Variants in AKT3 observed in about 807,000 individuals in gnomAD.
The protein encoded by AKT3 is AKT serine/threonine kinase 3.
A neutral mutation model predicts 65.3 loss-of-function variants in AKT3; 15 were observed. That is an observed-to-expected ratio of 0.23 (90% CI 0.15 to 0.35). The LOEUF is 0.35. AKT3 is among the 10% of genes least tolerant of loss of function. The pLI, the probability that AKT3 is intolerant of heterozygous loss-of-function variation, is 1.00. For synonymous variants in AKT3, 206 were observed against 183.8 expected (o/e 1.12, Z -0.98); for missense variants, 243 against 576.5 (o/e 0.42, Z 5.92).
intron 4 of AKT3, among the ~76,000 whole-genome samples, chr1:243,650,745 C>A (rs145972342): frequency 0.022 from 3,359 of 152,236 alleles, 50 homozygotes; most frequent in Non-Finnish European, 0.03. Flanking sequence ...GGCCTCTGTT[C>A]TGTTCCATTG....
intron 13 of AKT3, among the ~76,000 whole-genome samples, chr1:243,493,447 T>G (rs536796342): frequency 7.2e-5 from 11 of 152,264 alleles, no homozygotes; most frequent in African/African-American, 2.4e-4. Context: ...TAGAGGATGG[T>G]CTCAACCATC....
chr1:243,798,393 A>T (rs1308003523), intron 2 of AKT3, among the ~76,000 whole-genome samples: 51 of 83,316 alleles, frequency 6.1e-4, no homozygotes, highest in Middle Eastern at 0.016. Context: ...CTAATTTTTA[A>T]TTTTTTTTTT....
chr1:243,632,287 C>T (rs1030391765), intron 6 of AKT3, among the ~76,000 whole-genome samples: 4 of 152,160 alleles, frequency 2.6e-5, no homozygotes, highest in Non-Finnish European at 4.4e-5. Context: ...GCAGAACTGA[C>T]GCTGGGTTAG....
rs149460402 is a variant in AKT3, at chr1:243,629,231, G to A, written c.561+8380C>T. On this transcript the variant is annotated intron_variant, in intron 6 of 13. Coordinates refer to ENST00000673466, the MANE Select transcript of AKT3 (RefSeq NM_005465.7). Reference sequence around the variant, plus strand: ...GCAGAGGTTGCAGTGAGCTGAGTTTGCACCATTGCATTCCAGCCTGGGCAA... The same window carrying A: ...GCAGAGGTTGCAGTGAGCTGAGTTTACACCATTGCATTCCAGCCTGGGCAA... 5.3e-5 allele frequency among the ~76,000 whole-genome samples: 8 copies of A among 152,224 alleles called. No individual in the cohort carries two copies. In the East Asian group the frequency reaches 1.2e-3, roughly 22 times the overall value.
intron 2 of AKT3, among the ~76,000 whole-genome samples, chr1:243,804,113 T>C (rs551329123): frequency 1.2e-4 from 19 of 152,276 alleles, no homozygotes; most frequent in African/African-American, 4.6e-4. Flanking sequence ...TGGACTCCCA[T>C]TTACTTAATC....
At chr1:243,641,181 T>C (rs1421410410) in intron 5 of AKT3, among the ~76,000 whole-genome samples, 5 of 151,192 alleles carry the variant, frequency 3.3e-5, no homozygotes, top group Non-Finnish European at 5.9e-5. Context: ...TGCTCCTCAG[T>C]TTGCAGATGG....
At chr1:243,710,842 C>T (rs1686099754) in intron 2 of AKT3, among the ~76,000 whole-genome samples, 1 of 152,152 alleles carries the variant, frequency 6.6e-6, no homozygotes, top group Non-Finnish European at 1.5e-5. Flanking sequence ...TTGTGACAAT[C>T]AAATAATGCT....
At position 243,502,413 on chromosome 1, in the gene AKT3, A is replaced by T. The variant is rs1053601523; in HGVS notation, c.*2836T>A. ...AAAGCTGAGCGCGACCCTGCCAACC[A>T]TCTAAGCAGAAATGGCCAATTTCCT... On this transcript the variant is annotated 3_prime_UTR_variant, in exon 14 of 14. Coordinates refer to ENST00000673466, the MANE Select transcript of AKT3 (RefSeq NM_005465.7). 4.3e-6 allele frequency: 1 copy of T among 233,056 alleles called. No individual in the cohort carries two copies. The highest frequency in any genetic ancestry group is 8.5e-6 in the Non-Finnish European group (1 of 117,960). The allele number at this position is 233,056 out of a possible 1,614,324, so 14.4% of individuals were successfully genotyped here.
At chr1:243,496,042 C>A (rs1444267350), downstream of AKT3, among the ~76,000 whole-genome samples, 1 of 152,200 alleles carries the variant, frequency 6.6e-6, no homozygotes, top group African/African-American at 2.4e-5. Flanking sequence ...AAAGGAAGTG[C>A]CTCATATTAC....
chr1:243,544,523 T>A (rs532672289), intron 12 of AKT3, among the ~76,000 whole-genome samples: 2 of 151,946 alleles, frequency 1.3e-5, no homozygotes, highest in Admixed American at 1.3e-4. Context: ...TAGGCTGAGG[T>A]GAGAGGATAC....
At chr1:243,807,791 G>A (rs957774826) in intron 2 of AKT3, among the ~76,000 whole-genome samples, 1 of 152,186 alleles carries the variant, frequency 6.6e-6, no homozygotes, top group Non-Finnish European at 1.5e-5. Flanking sequence ...CCCAGTAGGG[G>A]CAGACTGACA....
At chr1:243,716,930 G>C (rs1355385032) in intron 2 of AKT3, among the ~76,000 whole-genome samples, 2 of 152,174 alleles carry the variant, frequency 1.3e-5, no homozygotes. Context: ...AAAGAATACA[G>C]GTAGCCCTTT....
chr1:243,551,405 C>T (rs545728647), intron 11 of AKT3, among the ~76,000 whole-genome samples: 38 of 152,236 alleles, frequency 2.5e-4, no homozygotes, highest in African/African-American at 7.0e-4. Flanking sequence ...TGAGTCTTCA[C>T]AAAGCAGAAA....
chr1:243,663,783 G>C (rs11578053), intron 4 of AKT3, among the ~76,000 whole-genome samples: 1 of 152,104 alleles, frequency 6.6e-6, no homozygotes, highest in East Asian at 1.9e-4. Flanking sequence ...TGCTGATTAG[G>C]ATCAAATATA....
chr1:243,648,354 C>T (rs1047314778), intron 4 of AKT3, among the ~76,000 whole-genome samples: 2 of 151,908 alleles, frequency 1.3e-5, no homozygotes, highest in East Asian at 3.9e-4. Flanking sequence ...TTAACTTTAT[C>T]ATATTAATAT....
At chr1:243,636,724 T>TC (rs1268158786) in intron 6 of AKT3, among the ~76,000 whole-genome samples, 1 of 152,052 alleles carries the variant, frequency 6.6e-6, no homozygotes, top group African/African-American at 2.4e-5. Flanking sequence ...GACCAGTACT[T>TC]CCCCAAAGTA....
At chr1:243,760,828 G>A (rs1390143345) in intron 2 of AKT3, among the ~76,000 whole-genome samples, 1 of 152,128 alleles carries the variant, frequency 6.6e-6, no homozygotes, top group Non-Finnish European at 1.5e-5. Flanking sequence ...GCCTTATGGA[G>A]AATAAATGTT....
chr1:243,556,019 T>C (rs1673384566), intron 10 of AKT3, among the ~76,000 whole-genome samples: 2 of 151,968 alleles, frequency 1.3e-5, no homozygotes, highest in South Asian at 4.1e-4. Flanking sequence ...ATTTGGAACA[T>C]CAAAAAAATG....
At chr1:243,799,249 CTT>C (rs1449444142) in intron 2 of AKT3, among the ~76,000 whole-genome samples, 1 of 152,170 alleles carries the variant, frequency 6.6e-6, no homozygotes, top group South Asian at 2.1e-4. Flanking sequence ...TTTTACTCAT[CTT>C]TTTATCCCTA....
Sources: gnomAD v4.1 joint callset for allele counts (sites outside exome capture counted in the v4.1 genomes callset) on GRCh38, gnomAD v4.1.1 for gene constraint, MANE v1.5 for transcripts, NCBI Gene and HGNC (gene_info 2026-07-23, HGNC 2026-07-21) for gene names.